Variants in SLC25A43 observed in about 807,000 individuals in gnomAD.
SLC25A43 encodes the protein solute carrier family 25 member 43.
A neutral mutation model predicts 22.8 loss-of-function variants in SLC25A43; 10 were observed. The ratio of observed to expected loss-of-function variants is 0.44; its 90% CI spans 0.27 to 0.74. The LOEUF is 0.74. Among genes scored for constraint, SLC25A43 ranks in the 30% least tolerant of loss-of-function variants. The probability of loss-of-function intolerance (pLI) is 0.17; values close to 1 mark genes in which losing one functional copy is unlikely to be tolerated. For synonymous variants in SLC25A43, 106 were observed against 121.6 expected (o/e 0.87, Z 0.84); for missense variants, 233 against 279.1 (o/e 0.83, Z 1.18).
intron 3 of SLC25A43, among the ~76,000 whole-genome samples, chrX:119,447,190 G>A (rs1299587322): frequency 8.9e-6 from 1 of 112,086 alleles, no homozygotes; most frequent in Admixed American, 9.5e-5. Context: ...CTGACCTCAG[G>A]TGATCCACTT....
In SLC25A43 at chrX:119,399,344, C is replaced by T; in HGVS notation, c.-60C>T. The T allele has an allele frequency of 4.7e-6, 4 of 859,204 alleles. No individual in the cohort carries two copies. The highest frequency in any genetic ancestry group is 1.2e-4 in the South Asian group (2 of 16,677). 70.8% of individuals were successfully genotyped at this position (859,204 alleles called of 1,213,427 possible). A position where few individuals can be genotyped will look rare whatever the true frequency, so the allele number is the denominator to read the frequency against. On this transcript the variant is annotated 5_prime_UTR_variant, in exon 1 of 5. Coordinates refer to ENST00000217909, the MANE Select transcript of SLC25A43 (RefSeq NM_145305.3). Reference sequence around the variant, plus strand: ...GGGGCCTGGGGCCCGCCACCTCCGCCCGTGGCCGGAGAGCCCCAGGCCCGA... The same window carrying T: ...GGGGCCTGGGGCCCGCCACCTCCGCTCGTGGCCGGAGAGCCCCAGGCCCGA...
chrX:119,443,413 G>A (rs1019437154), intron 3 of SLC25A43, among the ~76,000 whole-genome samples: 3 of 104,242 alleles, frequency 2.9e-5, no homozygotes, highest in African/African-American at 1.1e-4. Context: ...GAGCCACCGC[G>A]CCCAGCCCCC....
intron 3 of SLC25A43, among the ~76,000 whole-genome samples, chrX:119,448,867 G>A (rs1451853337): frequency 9.0e-6 from 1 of 111,275 alleles, no homozygotes; most frequent in East Asian, 2.8e-4. Flanking sequence ...CCTGAGTGTC[G>A]GGCATATAGT....
At chrX:119,418,486 G>T (rs1325692900) in intron 3 of SLC25A43, among the ~76,000 whole-genome samples, 1 of 111,767 alleles carries the variant, frequency 8.9e-6, no homozygotes, top group Non-Finnish European at 1.9e-5. Context: ...TGCACTGACT[G>T]GCCCCTTTGT....
At chrX:119,441,858 G>A (rs2052625818) in intron 3 of SLC25A43, among the ~76,000 whole-genome samples, 1 of 111,533 alleles carries the variant, frequency 9.0e-6, no homozygotes, top group Non-Finnish European at 1.9e-5. Context: ...GGGAGGCCGA[G>A]GCAGGTGGAT....
intron 3 of SLC25A43, among the ~76,000 whole-genome samples, chrX:119,419,289 G>A (rs560003915): frequency 9.0e-6 from 1 of 111,685 alleles, no homozygotes; most frequent in African/African-American, 3.3e-5. Context: ...ATAAAACCAA[G>A]TGTGAGCCTG....
At chrX:119,450,982 G>C (rs750180996) in intron 3 of SLC25A43, among the ~76,000 whole-genome samples, 6 of 111,251 alleles carry the variant, frequency 5.4e-5, no homozygotes, top group Admixed American at 9.6e-5. Flanking sequence ...GGCCAACATC[G>C]TGAAACCCCA....
intron 4 of SLC25A43, among the ~76,000 whole-genome samples, chrX:119,452,620 T>C (rs1352421223): frequency 1.8e-5 from 2 of 111,573 alleles, no homozygotes; most frequent in Non-Finnish European, 3.8e-5. Flanking sequence ...TCTGCGTGCA[T>C]ATGACCCAGA....
chrX:119,449,582 T>C (rs1193916211), intron 3 of SLC25A43, among the ~76,000 whole-genome samples: 1 of 108,427 alleles, frequency 9.2e-6, no homozygotes, highest in Non-Finnish European at 1.9e-5. Flanking sequence ...ATACAAAAAT[T>C]AGCAGGGCAT....
chrX:119,422,991 C>T (rs994259904), intron 3 of SLC25A43: 1 of 111,487 alleles, frequency 9.0e-6, no homozygotes, highest in Non-Finnish European at 1.9e-5. Flanking sequence ...ATACAGTCGT[C>T]CCTAGGTGTC....
chrX:119,401,283 T>C (rs1335798742), intron 1 of SLC25A43, among the ~76,000 whole-genome samples: 1 of 111,342 alleles, frequency 9.0e-6, no homozygotes, highest in Non-Finnish European at 1.9e-5. Flanking sequence ...TTAGTCAGGC[T>C]ACATTAAGTC....
intron 3 of SLC25A43, chrX:119,422,814 A>C (rs1275222377): frequency 8.9e-6 from 1 of 112,401 alleles, no homozygotes; most frequent in Non-Finnish European, 1.9e-5. Context: ...GGTTCTATGC[A>C]TCTCAGTGCA....
chrX:119,420,371 C>T (rs1197815800), intron 3 of SLC25A43, among the ~76,000 whole-genome samples: 2 of 107,670 alleles, frequency 1.9e-5, no homozygotes, highest in Non-Finnish European at 3.8e-5. Context: ...AATCACAGCT[C>T]ATTGTAGCCT....
intron 3 of SLC25A43, among the ~76,000 whole-genome samples, chrX:119,446,521 C>G (rs2147297388): frequency 8.9e-6 from 1 of 112,481 alleles, no homozygotes; most frequent in South Asian, 3.6e-4. Context: ...GTAATATGGA[C>G]TACATGTGTA....
chrX:119,450,336 A>G (rs908107986), intron 3 of SLC25A43, among the ~76,000 whole-genome samples: 2 of 112,042 alleles, frequency 1.8e-5, no homozygotes, highest in Non-Finnish European at 3.8e-5. Context: ...TCGACAATGG[A>G]ATACATTTCA....
At chrX:119,409,448 C>T (rs752483992) in intron 2 of SLC25A43, among the ~76,000 whole-genome samples, 10 of 107,264 alleles carry the variant, frequency 9.3e-5, no homozygotes, top group Admixed American at 3.1e-4. Context: ...TCAAGTGATC[C>T]GCCCACCTCG....
chrX:119,405,743 G>A (rs1456841443), intron 1 of SLC25A43, among the ~76,000 whole-genome samples: 2 of 110,423 alleles, frequency 1.8e-5, no homozygotes, highest in Non-Finnish European at 3.8e-5. Context: ...GTACTTCTGC[G>A]TGGGCGATAG....
chrX:119,443,116 CTTTT>C (rs58081965), intron 3 of SLC25A43, among the ~76,000 whole-genome samples: 141 of 73,446 alleles, frequency 1.9e-3, no homozygotes, highest in African/African-American at 2.9e-3. Context: ...CATTCTCTCT[CTTTT>C]TTTTTTTTTT....
chrX:119,449,378 C>T (rs771749007), intron 3 of SLC25A43, among the ~76,000 whole-genome samples: 23 of 101,820 alleles, frequency 2.3e-4, no homozygotes, highest in Admixed American at 6.6e-4. Context: ...CGTGTGACTG[C>T]ACTCCAACCT....
Sources: allele counts gnomAD v4.1 joint callset (sites outside exome capture counted in the v4.1 genomes callset), GRCh38; gene constraint gnomAD v4.1.1; transcripts MANE v1.5; gene names NCBI Gene and HGNC (gene_info 2026-07-23, HGNC 2026-07-21).